Variants in PRDM6 observed in about 807,000 individuals in gnomAD.
The protein encoded by PRDM6 is putative histone-lysine N-methyltransferase PRDM6.
Under a neutral mutation model 60.8 loss-of-function variants are expected in PRDM6, and 25 were observed. The ratio of observed to expected loss-of-function variants is 0.41; its 90% CI spans 0.30 to 0.57. The LOEUF (loss-of-function observed/expected upper bound fraction) is 0.57, where lower values mean the gene tolerates loss of function less well. Ranked by LOEUF, PRDM6 falls within the 20% of genes least tolerant of loss-of-function variation. The probability of loss-of-function intolerance (pLI) is 0.27; values close to 1 mark genes in which losing one functional copy is unlikely to be tolerated. For synonymous variants in PRDM6, 407 were observed against 357.4 expected (o/e 1.14, Z -1.57); for missense variants, 839 against 821.3 (o/e 1.02, Z -0.26).
chr5:123,124,817 C>T (rs560767027), intron 3 of PRDM6, among the ~76,000 whole-genome samples: 2 of 151,870 alleles, frequency 1.3e-5, no homozygotes, highest in South Asian at 2.1e-4. Context: ...GACTGATCTA[C>T]GACCTCTGAA....
At chr5:123,153,312 A>G (rs1207505980) in intron 3 of PRDM6, among the ~76,000 whole-genome samples, 1 of 151,890 alleles carries the variant, frequency 6.6e-6, no homozygotes, top group African/African-American at 2.4e-5. Flanking sequence ...AAAACATCTT[A>G]TTTGGGCTAA....
At chr5:123,159,367 TG>T in intron 4 of PRDM6, 146 bp from the exon 5 acceptor site, 1 of 830,048 alleles carries the variant, frequency 1.2e-6, no homozygotes, top group Non-Finnish European at 1.8e-6. Context: ...AATTGGTTGC[TG>T]GGGACAATCA....
intron 3 of PRDM6, among the ~76,000 whole-genome samples, chr5:123,112,266 C>T (rs1357229573): frequency 2.0e-5 from 3 of 152,192 alleles, no homozygotes; most frequent in Non-Finnish European, 4.4e-5. Context: ...CCTTAAGTCC[C>T]TAAGCTCTTA....
At chr5:123,106,526 C>T (rs932159362) in intron 3 of PRDM6, among the ~76,000 whole-genome samples, 2 of 152,226 alleles carry the variant, frequency 1.3e-5, no homozygotes, top group Non-Finnish European at 2.9e-5. Context: ...CATTACAGTT[C>T]AATGACAGGT....
chr5:123,140,221 C>T (rs902144518), intron 3 of PRDM6, among the ~76,000 whole-genome samples: 6 of 151,544 alleles, frequency 4.0e-5, no homozygotes, highest in Non-Finnish European at 7.4e-5. Flanking sequence ...AATCAGCTTT[C>T]CTGTATTTTC....
chr5:123,116,858 G>A (rs571671589), intron 3 of PRDM6, among the ~76,000 whole-genome samples: 1 of 152,272 alleles, frequency 6.6e-6, no homozygotes, highest in Non-Finnish European at 1.5e-5. Flanking sequence ...ATAGATAATT[G>A]CTGAAATATT....
intron 3 of PRDM6, among the ~76,000 whole-genome samples, chr5:123,135,181 A>T (rs1412088759): frequency 6.6e-6 from 1 of 152,216 alleles, no homozygotes; most frequent in African/African-American, 2.4e-5. Flanking sequence ...AAGTATTATG[A>T]AAACAATTAA....
At chr5:123,181,681 G>A (rs1185833904) in intron 7 of PRDM6, among the ~76,000 whole-genome samples, 1 of 152,190 alleles carries the variant, frequency 6.6e-6, no homozygotes, top group Admixed American at 6.5e-5. Context: ...GAGAGGAAAT[G>A]ATTCAGGCAG....
intron 3 of PRDM6, among the ~76,000 whole-genome samples, chr5:123,142,049 G>T (rs1765114909): frequency 6.6e-6 from 1 of 152,058 alleles, no homozygotes; most frequent in Non-Finnish European, 1.5e-5. Flanking sequence ...GTTTATTCTT[G>T]ACTCAACGGC....
chr5:123,187,689 C>G lies in PRDM6; in HGVS notation c.*488C>G, dbSNP rs1465796262. The stretch of plus-strand genomic sequence containing the variant: ...TGACACTGGCTGCCCCAGCGGGGAC[C>G]ACGGAAGCAGAGTGAGAGCCTTCGC... On this transcript the variant is annotated 3_prime_UTR_variant, in exon 8 of 8. Transcript: ENST00000407847. 1 of 156,888 alleles carries G rather than the reference C, an allele frequency of 6.4e-6. No individual in the cohort carries two copies. Among genetic ancestry groups the G allele is most frequent in the Admixed American group, 6.2e-5 (1 of 16,108 alleles). 9.7% of individuals were successfully genotyped at this position (156,888 alleles called of 1,614,324 possible). A position where few individuals can be genotyped will look rare whatever the true frequency, so the allele number is the denominator to read the frequency against.
intron 3 of PRDM6, among the ~76,000 whole-genome samples, chr5:123,151,198 C>G (rs1189796881): frequency 6.6e-6 from 1 of 152,108 alleles, no homozygotes; most frequent in East Asian, 1.9e-4. Context: ...ATGCCAGTAT[C>G]TGGAGCCTTG....
intron 7 of PRDM6, among the ~76,000 whole-genome samples, chr5:123,181,039 T>C (rs1418056562): frequency 6.6e-6 from 1 of 152,190 alleles, no homozygotes; most frequent in East Asian, 1.9e-4. Context: ...CTTATCCAAA[T>C]GGTGGACATC....
intron 3 of PRDM6, among the ~76,000 whole-genome samples, chr5:123,104,717 G>A (rs1764169322): frequency 6.6e-6 from 1 of 152,168 alleles, no homozygotes; most frequent in Non-Finnish European, 1.5e-5. Flanking sequence ...AACAGCTGGT[G>A]TATCTCTCTG....
intron 3 of PRDM6, among the ~76,000 whole-genome samples, chr5:123,123,743 T>G (rs773629771): frequency 1.3e-5 from 2 of 152,336 alleles, no homozygotes; most frequent in Middle Eastern, 6.8e-3. Context: ...TTGGAAACTT[T>G]AGGCCCATTT....
chr5:123,162,637 A>G (rs1047694062), intron 5 of PRDM6, among the ~76,000 whole-genome samples: 1 of 152,198 alleles, frequency 6.6e-6, no homozygotes, highest in Admixed American at 6.5e-5. Context: ...AGGGAAGTTT[A>G]AAAGGAATTA....
At chr5:123,098,819 C>T (rs1041381037) in intron 2 of PRDM6, among the ~76,000 whole-genome samples, 4 of 152,200 alleles carry the variant, frequency 2.6e-5, no homozygotes, top group African/African-American at 7.2e-5. Context: ...AGAACAGCAC[C>T]CCGGTCCCCC....
chr5:123,184,753 A>G (rs926348183), intron 7 of PRDM6, among the ~76,000 whole-genome samples: 3 of 152,194 alleles, frequency 2.0e-5, no homozygotes, highest in African/African-American at 7.2e-5. Context: ...CATAAAACTG[A>G]AGTCCTTCTC....
At chr5:123,113,040 A>G (rs1764352048) in intron 3 of PRDM6, among the ~76,000 whole-genome samples, 1 of 152,128 alleles carries the variant, frequency 6.6e-6, no homozygotes, top group Non-Finnish European at 1.5e-5. Context: ...TATGTTGTAC[A>G]CTTTTGAATT....
intron 3 of PRDM6, among the ~76,000 whole-genome samples, chr5:123,104,445 G>A (rs529561816): frequency 4.6e-5 from 7 of 151,954 alleles, no homozygotes; most frequent in Non-Finnish European, 1.0e-4. Flanking sequence ...CGCAGTGATA[G>A]TACTGTAATT....
Sources: allele counts gnomAD v4.1 joint callset (sites outside exome capture counted in the v4.1 genomes callset), GRCh38; gene constraint gnomAD v4.1.1; transcripts MANE v1.5; gene names NCBI Gene and HGNC (gene_info 2026-07-23, HGNC 2026-07-21).